PRDM10: variants seen among roughly 807,000 people sequenced by gnomAD.
PRDM10 encodes the protein PR/SET domain 10, also known as PR domain zinc finger protein 10.
PRDM10 carries 65 observed loss-of-function variants against 133.1 expected under a neutral mutation model. The observed-to-expected ratio is 0.49, with a 90% CI of 0.40 to 0.60. The LOEUF is 0.60. Among genes scored for constraint, PRDM10 ranks in the 20% least tolerant of loss-of-function variants. The probability of loss-of-function intolerance (pLI) is 0.00; values close to 1 mark genes in which losing one functional copy is unlikely to be tolerated. For missense variants in PRDM10, 1,137 were observed against 1,507.1 expected, an observed-to-expected ratio of 0.75 and a Z score of 4.07; for synonymous variants, 582 against 580.4, an observed-to-expected ratio of 1.00 and a Z score of -0.04.
chr11:129,906,411 T>C (rs145533371), intron 19 of PRDM10, among the ~76,000 whole-genome samples: 1,656 of 152,258 alleles, frequency 0.011, 15 homozygotes, highest in Middle Eastern at 0.054. Context: ...CACTCGAGCA[T>C]GGGTAAGGAT....
chr11:129,940,237 C>G (rs1288588723), intron 7 of PRDM10, among the ~76,000 whole-genome samples: 1 of 152,082 alleles, frequency 6.6e-6, no homozygotes, highest in South Asian at 2.1e-4. Context: ...TAATAGGTAG[C>G]TTTTTTTCTT....
At chr11:129,997,764 T>C (rs2136009485) in intron 1 of PRDM10, among the ~76,000 whole-genome samples, 1 of 152,340 alleles carries the variant, frequency 6.6e-6, no homozygotes, top group East Asian at 1.9e-4. Context: ...TTTATTCTTT[T>C]AAGTTCAAAT....
intron 1 of PRDM10, among the ~76,000 whole-genome samples, chr11:129,998,039 A>G (rs1216281534): frequency 1.3e-5 from 2 of 152,222 alleles, no homozygotes. Context: ...CACATACATA[A>G]TTTAAAATGT....
At chr11:129,931,472 T>C (rs1950854722) in intron 10 of PRDM10, among the ~76,000 whole-genome samples, 1 of 152,222 alleles carries the variant, frequency 6.6e-6, no homozygotes, top group Admixed American at 6.5e-5. Flanking sequence ...CTGACTTTTC[T>C]GGAATATCAA....
At chr11:129,961,906 G>A (rs763831502) in intron 1 of PRDM10, among the ~76,000 whole-genome samples, 3 of 151,956 alleles carry the variant, frequency 2.0e-5, no homozygotes, top group East Asian at 1.9e-4. Context: ...ATTAGTTGTC[G>A]TGAGGAGAAT....
At chr11:129,932,503 A>G (rs1040164111) in intron 9 of PRDM10, among the ~76,000 whole-genome samples, 4 of 152,360 alleles carry the variant, frequency 2.6e-5, no homozygotes, top group African/African-American at 9.6e-5. Flanking sequence ...TGCTTCTGAA[A>G]TGATGTGAGA....
chr11:129,955,596 T>C, intron 3 of PRDM10, 25 bp from the exon 4 acceptor site: 1 of 1,610,424 alleles, frequency 6.2e-7, no homozygotes, highest in Non-Finnish European at 8.5e-7. Context: ...GAACAAAAAA[T>C]TATCAGTAGC....
chr11:129,985,797 A>ATATATAT (rs1565512029), intron 1 of PRDM10, among the ~76,000 whole-genome samples: 2 of 120,466 alleles, frequency 1.7e-5, no homozygotes, highest in African/African-American at 8.2e-5. Context: ...AAAAAAAAAA[A>ATATATAT]AAAAAAAAAA....
chr11:129,938,700 A>C (rs1043754054), intron 7 of PRDM10, among the ~76,000 whole-genome samples: 1 of 152,194 alleles, frequency 6.6e-6, no homozygotes, highest in Non-Finnish European at 1.5e-5. Flanking sequence ...CGTGTATCCC[A>C]AAAATATGTA....
chr11:129,902,613 G>A (rs1949877294), intron 20 of PRDM10, 97 bp from the exon 21 acceptor site: 2 of 1,484,852 alleles, frequency 1.3e-6, no homozygotes, highest in Admixed American at 2.3e-5. Context: ...TGTCACAAGG[G>A]ACCCAAAATA....
intron 1 of PRDM10, among the ~76,000 whole-genome samples, chr11:129,964,746 A>G (rs187036819): frequency 1.6e-4 from 25 of 152,350 alleles, no homozygotes; most frequent in Admixed American, 8.5e-4. Context: ...TTTTGGACAT[A>G]CATTGCTTTA....
intron 1 of PRDM10, among the ~76,000 whole-genome samples, chr11:129,997,519 G>GGAAAAAAAAA (rs1440594465): frequency 6.6e-6 from 1 of 152,132 alleles, no homozygotes; most frequent in Non-Finnish European, 1.5e-5. Context: ...GTTCTTTCAC[G>GGAAAAAAAAA]AGCTGGTCCA....
At chr11:129,986,397 GT>G (rs921334038) in intron 1 of PRDM10, among the ~76,000 whole-genome samples, 7 of 151,734 alleles carry the variant, frequency 4.6e-5, no homozygotes, top group African/African-American at 1.5e-4. Context: ...TTTGCTTTGG[GT>G]TTTTTTTCGA....
At chr11:129,940,388 T>C (rs1951169146) in intron 7 of PRDM10, among the ~76,000 whole-genome samples, 1 of 152,222 alleles carries the variant, frequency 6.6e-6, no homozygotes, top group Non-Finnish European at 1.5e-5. Context: ...GCCAAGAATA[T>C]TTTTGCTATA....
intron 9 of PRDM10, among the ~76,000 whole-genome samples, chr11:129,932,455 G>C (rs530815796): frequency 1.3e-5 from 2 of 152,216 alleles, no homozygotes; most frequent in East Asian, 3.9e-4. Flanking sequence ...TTATTCTGAA[G>C]AAAAGAGCTA....
intron 1 of PRDM10, among the ~76,000 whole-genome samples, chr11:129,995,874 A>C (rs1939034979): frequency 6.6e-6 from 1 of 152,150 alleles, no homozygotes; most frequent in Admixed American, 6.6e-5. Context: ...TGAACCCAGA[A>C]GACGGAGGTT....
rs184177700 is a variant in PRDM10, at chr11:129,906,038, C to A, written c.3164-297G>T. Among the ~76,000 whole-genome samples the A allele has an allele frequency of 1.1e-4, 16 of 152,274 alleles. No homozygotes were observed. In the East Asian group the frequency reaches 3.1e-3, roughly 29 times the overall value. On this transcript the variant is annotated intron_variant, in intron 19 of 20. Coordinates refer to ENST00000360871, the MANE Select transcript of PRDM10 (RefSeq NM_199437.2). ...CCTTGAAATACGTCACAAAGAGTTA[C>A]CTTTTAAATCAATATTTTTATCTTT...
chr11:129,924,686 C>G (rs1950623157), intron 12 of PRDM10, among the ~76,000 whole-genome samples, 196 bp downstream of exon 12: 1 of 152,138 alleles, frequency 6.6e-6, no homozygotes, highest in African/African-American at 2.4e-5. Context: ...ATGTCAATGT[C>G]TGATCTGGAC....
At chr11:130,001,272 G>C (rs956580273) in intron 1 of PRDM10, among the ~76,000 whole-genome samples, 2 of 152,096 alleles carry the variant, frequency 1.3e-5, no homozygotes, top group African/African-American at 4.8e-5. Flanking sequence ...TGTGATGCTG[G>C]AATGGTAGGA....
Sources: gnomAD v4.1 joint callset for allele counts (sites outside exome capture counted in the v4.1 genomes callset) on GRCh38, gnomAD v4.1.1 for gene constraint, MANE v1.5 for transcripts, NCBI Gene and HGNC (gene_info 2026-07-23, HGNC 2026-07-21) for gene names.